PEBP4: variants seen among roughly 807,000 people sequenced by gnomAD.
PEBP4 encodes the protein phosphatidylethanolamine-binding protein 4.
A neutral mutation model predicts 23.9 loss-of-function variants in PEBP4; 22 were observed. That is an observed-to-expected ratio of 0.92 (90% confidence interval 0.66 to 1.31). The LOEUF is 1.31. Ranked by LOEUF, PEBP4 falls within the 40% of genes most tolerant of loss-of-function variation. The probability of loss-of-function intolerance (pLI) is 0.00; values close to 1 mark genes in which losing one functional copy is unlikely to be tolerated. For synonymous variants in PEBP4, 112 were observed against 99.3 expected (o/e 1.13, Z -0.76); for missense variants, 324 against 281.7 (o/e 1.15, Z -1.07).
At chr8:22,838,129 G>C (rs915612574) in intron 3 of PEBP4, among the ~76,000 whole-genome samples, 2 of 151,794 alleles carry the variant, frequency 1.3e-5, no homozygotes, top group African/African-American at 4.8e-5. Flanking sequence ...TGAAACTCTT[G>C]GGCTCCAGCG....
chr8:22,762,467 C>T (rs889706285), intron 4 of PEBP4, among the ~76,000 whole-genome samples: 3 of 152,192 alleles, frequency 2.0e-5, no homozygotes, highest in African/African-American at 7.2e-5. Context: ...GTCTTTCTGA[C>T]ATTAGCTTTT....
upstream of PEBP4, among the ~76,000 whole-genome samples, chr8:22,929,804 C>T (rs1435724579): frequency 6.6e-6 from 1 of 152,124 alleles, no homozygotes; most frequent in African/African-American, 2.4e-5. Flanking sequence ...GCCTTCTGGG[C>T]TTCAAGGGAT....
chr8:22,835,205 C>G (rs542189303), intron 3 of PEBP4, among the ~76,000 whole-genome samples: 2 of 152,154 alleles, frequency 1.3e-5, no homozygotes, highest in Admixed American at 6.5e-5. Flanking sequence ...GGCAATAATA[C>G]CTGTCTCACA....
chr8:22,777,389 G>A (rs1166004457), intron 4 of PEBP4, among the ~76,000 whole-genome samples: 1 of 152,192 alleles, frequency 6.6e-6, no homozygotes, highest in Non-Finnish European at 1.5e-5. Context: ...CTTCTAAGCT[G>A]TGAGAGTGAC....
rs538900490 is a variant in PEBP4, at chr8:22,760,471, T to C, written c.358-33251A>G. On this transcript the variant is annotated intron_variant, in intron 4 of 6. Coordinates refer to ENST00000256404, the MANE Select transcript of PEBP4 (RefSeq NM_144962.3). Reference sequence around the variant, plus strand: ...ATAGTACAATGCATATAGTAGGTGCTTGGTGGATGCTTATGGGATGAACAG... The same window carrying C: ...ATAGTACAATGCATATAGTAGGTGCCTGGTGGATGCTTATGGGATGAACAG... Among the ~76,000 whole-genome samples the C allele has an allele frequency of 3.9e-5, 6 of 152,202 alleles. No homozygotes were observed. The East Asian group carries it at 1.2e-3, about 29-fold the overall frequency.
intron 4 of PEBP4, among the ~76,000 whole-genome samples, chr8:22,798,380 A>C (rs1231126822): frequency 6.6e-6 from 1 of 152,068 alleles, no homozygotes; most frequent in African/African-American, 2.4e-5. Context: ...ACTCTCACAC[A>C]CCAAACCAAT....
intron 3 of PEBP4, among the ~76,000 whole-genome samples, chr8:22,872,931 C>T (rs564780071): frequency 3.9e-5 from 6 of 152,180 alleles, no homozygotes; most frequent in Non-Finnish European, 8.8e-5. Flanking sequence ...CCCGCCTCGG[C>T]CTCCCAAACT....
At position 22,742,304 on chromosome 8, in the gene PEBP4, G is replaced by A. The variant is rs1585247231; in HGVS notation, c.358-15084C>T. On this transcript the variant is annotated intron_variant, in intron 4 of 6. Coordinates refer to ENST00000256404, the MANE Select transcript of PEBP4 (RefSeq NM_144962.3). ...CTTGCGCCCCTGGTCCTTGCTGTGG[G>A]GTCTGGCTACGCTCCATTCAGCCTC... Among the ~76,000 whole-genome samples the A allele has an allele frequency of 2.0e-5, 3 of 152,342 alleles. 1 individual carries two copies. In the Middle Eastern group the frequency reaches 0.01, roughly 518 times the overall value.
At chr8:22,909,686 G>A (rs1332457824) in intron 3 of PEBP4, among the ~76,000 whole-genome samples, 1 of 152,198 alleles carries the variant, frequency 6.6e-6, no homozygotes, top group Non-Finnish European at 1.5e-5. Context: ...GTGGTTAGGG[G>A]CAGGAGCTTT....
intron 3 of PEBP4, among the ~76,000 whole-genome samples, chr8:22,918,929 G>GTGCACATGTGCA (rs1563261198): frequency 6.6e-6 from 1 of 151,026 alleles, no homozygotes; most frequent in Admixed American, 6.6e-5. Context: ...GTGTGTGTGT[G>GTGCACATGTGCA]CACATGTGCA....
intron 4 of PEBP4, among the ~76,000 whole-genome samples, chr8:22,811,990 G>T (rs375269713): frequency 6.6e-5 from 10 of 152,328 alleles, no homozygotes; most frequent in East Asian, 1.9e-4. Context: ...TTCTGTGTCA[G>T]AAGACTTAAT....
At chr8:22,745,107 C>A (rs1442194838) in intron 4 of PEBP4, among the ~76,000 whole-genome samples, 3 of 152,122 alleles carry the variant, frequency 2.0e-5, no homozygotes, top group African/African-American at 7.2e-5. Context: ...TTTCCCTTTG[C>A]TGGAATTTCT....
At position 22,713,378 on chromosome 8, in the gene PEBP4, C is replaced by T; in HGVS notation, c.676G>A (p.Ala226Thr). Residue 226 changes from alanine to threonine, a missense_variant, in exon 7 of 7, where the codon GCC (alanine) becomes ACC (threonine). Physicochemically the swap from Ala to Thr is moderately conservative, Grantham distance 58. Coordinates refer to ENST00000256404, the MANE Select transcript of PEBP4 (RefSeq NM_144962.3). Reference sequence around the variant, plus strand: ...ATGGCAAAGCCGGCTATCTAGCAGGCAGCTATCTCCGCCTGGTTTTTGTGC... The same window carrying T: ...ATGGCAAAGCCGGCTATCTAGCAGGTAGCTATCTCCGCCTGGTTTTTGTGC... ...PKHKNQAEIA[A>T]C 6.3e-7 allele frequency: 1 copy of T among 1,583,628 alleles called. No individual in the cohort carries two copies. The highest frequency in any genetic ancestry group is 8.6e-7 in the Non-Finnish European group (1 of 1,166,442).
At chr8:22,930,290 C>T (rs1563265918), upstream of PEBP4, among the ~76,000 whole-genome samples, 1 of 152,142 alleles carries the variant, frequency 6.6e-6, no homozygotes, top group Non-Finnish European at 1.5e-5. Context: ...AATGTCGTTT[C>T]CTAAGAGAAA....
intron 3 of PEBP4, among the ~76,000 whole-genome samples, chr8:22,866,217 C>T (rs771295963): frequency 6.6e-6 from 1 of 152,188 alleles, no homozygotes; most frequent in Non-Finnish European, 1.5e-5. Context: ...TATCAGCCTG[C>T]GTTAGCTAAT....
chr8:22,934,055 G>T (rs1809500919), intron 1 of PEBP4, among the ~76,000 whole-genome samples: 1 of 152,100 alleles, frequency 6.6e-6, no homozygotes, highest in South Asian at 2.1e-4. Context: ...TTAACAACCA[G>T]TTCTCATGGA....
At chr8:22,781,819 C>T (rs1444429070) in intron 4 of PEBP4, among the ~76,000 whole-genome samples, 1 of 152,214 alleles carries the variant, frequency 6.6e-6, no homozygotes, top group South Asian at 2.1e-4. Context: ...TCGGACATGG[C>T]AGCCTGTCCC....
intron 3 of PEBP4, among the ~76,000 whole-genome samples, chr8:22,903,748 G>T (rs1367805233): frequency 1.3e-5 from 2 of 152,218 alleles, no homozygotes; most frequent in Non-Finnish European, 2.9e-5. Flanking sequence ...TTCGCAAATG[G>T]CAGCAAGATA....
chr8:22,717,515 G>A (rs989414003), intron 6 of PEBP4, among the ~76,000 whole-genome samples: 1 of 152,182 alleles, frequency 6.6e-6, no homozygotes, highest in Non-Finnish European at 1.5e-5. Flanking sequence ...GCTGAGGGAG[G>A]GAGGCTCCCC....
Sources: allele counts gnomAD v4.1 joint callset (sites outside exome capture counted in the v4.1 genomes callset), GRCh38; gene constraint gnomAD v4.1.1; transcripts MANE v1.5; gene names NCBI Gene and HGNC (gene_info 2026-07-23, HGNC 2026-07-21).